EXT1: variants seen among roughly 807,000 people sequenced by gnomAD.
The protein encoded by EXT1 is exostosin-1.
Under a neutral mutation model 82.5 loss-of-function variants are expected in EXT1, and 20 were observed. The observed-to-expected ratio is 0.24, with a 90% CI of 0.17 to 0.35. The LOEUF (loss-of-function observed/expected upper bound fraction) is 0.35, where lower values mean the gene tolerates loss of function less well. Among genes scored for constraint, EXT1 ranks in the 10% least tolerant of loss-of-function variants. The probability of loss-of-function intolerance (pLI) is 1.00; values close to 1 mark genes in which losing one functional copy is unlikely to be tolerated. For synonymous variants in EXT1, 348 were observed against 350.8 expected, an observed-to-expected ratio of 0.99 and a Z score of 0.09; for missense variants, 757 against 936.5, an observed-to-expected ratio of 0.81 and a Z score of 2.50.
chr8:118,068,179 T>G (rs149973013), intron 1 of EXT1, among the ~76,000 whole-genome samples: 257 of 152,348 alleles, frequency 1.7e-3, no homozygotes, highest in African/African-American at 5.9e-3. Context: ...GAGCTGAGCC[T>G]GGAATGCAAG....
intron 1 of EXT1, among the ~76,000 whole-genome samples, chr8:117,854,170 G>A (rs1218726119): frequency 6.6e-6 from 1 of 152,256 alleles, no homozygotes; most frequent in Admixed American, 6.5e-5. Context: ...AGGTAAAGAA[G>A]GGAATTTCAG....
Position 117,809,218 on chromosome 8 carries a change from AATATAT to A in EXT1, c.1723-1847_1723-1842del, listed in dbSNP as rs71307404. On this transcript the variant is annotated intron_variant, in intron 8 of 10. Coordinates refer to ENST00000378204, the MANE Select transcript of EXT1 (RefSeq NM_000127.3). ...GTATATATATGTGTGTGTGTGTATA[AATATAT>A]ATATATATATATATATATATTATGT... 1.2e-3 allele frequency among the ~76,000 whole-genome samples: 129 copies of A among 107,938 alleles called. 5 individuals are homozygous for A. The highest frequency in any genetic ancestry group is 2.5e-3 in the African/African-American group (81 of 32,014). 70.8% of individuals were successfully genotyped at this position (107,938 alleles called of 152,430 possible). A position where few individuals can be genotyped will look rare whatever the true frequency, so the allele number is the denominator to read the frequency against.
chr8:118,045,697 G>T (rs769473598), intron 1 of EXT1, among the ~76,000 whole-genome samples: 44 of 151,050 alleles, frequency 2.9e-4, no homozygotes, highest in Non-Finnish European at 8.8e-5. Context: ...TACATAATAC[G>T]TATCTGAGTC....
At chr8:118,041,081 T>C (rs1389961569) in intron 1 of EXT1, among the ~76,000 whole-genome samples, 1 of 152,192 alleles carries the variant, frequency 6.6e-6, no homozygotes, top group Non-Finnish European at 1.5e-5. Flanking sequence ...CATTACCTAA[T>C]TTATTATAAA....
intron 1 of EXT1, among the ~76,000 whole-genome samples, chr8:117,954,240 C>T (rs1291639349): frequency 6.6e-6 from 1 of 152,196 alleles, no homozygotes; most frequent in East Asian, 1.9e-4. Flanking sequence ...ATCCAGGGTA[C>T]TGCTATTCTG....
At chr8:117,915,329 G>GT (rs1586282434) in intron 1 of EXT1, among the ~76,000 whole-genome samples, 1 of 150,148 alleles carries the variant, frequency 6.7e-6, no homozygotes, top group Non-Finnish European at 1.5e-5. Flanking sequence ...TCAAATTTTT[G>GT]TTTTTTGCTT....
At chr8:117,965,499 G>A (rs1405773625) in intron 1 of EXT1, among the ~76,000 whole-genome samples, 1 of 151,972 alleles carries the variant, frequency 6.6e-6, no homozygotes, top group Non-Finnish European at 1.5e-5. Flanking sequence ...GCATTTTGGG[G>A]TCAGAAGTCT....
intron 4 of EXT1, among the ~76,000 whole-genome samples, chr8:117,829,782 C>T (rs1309278685): frequency 2.0e-5 from 3 of 151,858 alleles, no homozygotes; most frequent in African/African-American, 7.3e-5. Context: ...ACCATGTTGG[C>T]CAGGTCTTGA....
At chr8:118,067,450 T>C (rs1277959399) in intron 1 of EXT1, among the ~76,000 whole-genome samples, 1 of 152,250 alleles carries the variant, frequency 6.6e-6, no homozygotes, top group Non-Finnish European at 1.5e-5. Flanking sequence ...TAGCATTCAC[T>C]GGATGACTGA....
At chr8:117,884,665 C>T (rs1052192169) in intron 1 of EXT1, among the ~76,000 whole-genome samples, 1 of 152,042 alleles carries the variant, frequency 6.6e-6, no homozygotes, top group Non-Finnish European at 1.5e-5. Context: ...CTCTTCTATT[C>T]TGTTCATTGC....
chr8:118,037,347 G>A (rs1816440041), intron 1 of EXT1, among the ~76,000 whole-genome samples: 1 of 151,442 alleles, frequency 6.6e-6, no homozygotes, highest in Non-Finnish European at 1.5e-5. Context: ...GTCTGCCCTC[G>A]AGTACCTTAC....
At chr8:118,051,382 A>T (rs1816714750) in intron 1 of EXT1, among the ~76,000 whole-genome samples, 1 of 152,222 alleles carries the variant, frequency 6.6e-6, no homozygotes, top group Non-Finnish European at 1.5e-5. Flanking sequence ...TTCAGTTTAC[A>T]TATTAGCATA....
intron 1 of EXT1, among the ~76,000 whole-genome samples, chr8:117,948,630 A>AATGC (rs1242270567): frequency 2.6e-5 from 4 of 152,210 alleles, no homozygotes; most frequent in Non-Finnish European, 5.9e-5. Flanking sequence ...ATTTTCACTG[A>AATGC]ATGCATAAAA....
chr8:118,032,133 A>AAT (rs1816335958), intron 1 of EXT1, among the ~76,000 whole-genome samples: 1 of 141,842 alleles, frequency 7.1e-6, no homozygotes, highest in South Asian at 2.5e-4. Context: ...CTCAATGGCC[A>AAT]AAACCGCGAT....
intron 1 of EXT1, among the ~76,000 whole-genome samples, chr8:117,854,018 G>A (rs542539550): frequency 1.3e-5 from 2 of 152,386 alleles, no homozygotes; most frequent in South Asian, 2.1e-4. Context: ...GCCCAGGAGC[G>A]CTGGCCTCAG....
chr8:117,834,258 T>C (rs1365122699), intron 3 of EXT1, among the ~76,000 whole-genome samples: 1 of 152,178 alleles, frequency 6.6e-6, no homozygotes, highest in Non-Finnish European at 1.5e-5. Context: ...AGTGCTGTAT[T>C]ACTTCAGCAG....
chr8:117,841,588 T>A (rs538344623), intron 1 of EXT1, among the ~76,000 whole-genome samples: 27 of 152,178 alleles, frequency 1.8e-4, no homozygotes, highest in Non-Finnish European at 4.0e-4. Flanking sequence ...CCCCAGATAA[T>A]TTGCCACTCT....
intron 7 of EXT1, among the ~76,000 whole-genome samples, chr8:117,813,817 C>T (rs946766503): frequency 7.2e-5 from 11 of 151,966 alleles, no homozygotes; most frequent in East Asian, 1.9e-4. Context: ...ACCAGCCTGA[C>T]CAACATGGTG....
intron 1 of EXT1, among the ~76,000 whole-genome samples, chr8:118,046,240 T>C (rs1464327170): frequency 1.3e-5 from 2 of 152,172 alleles, no homozygotes; most frequent in Non-Finnish European, 2.9e-5. Flanking sequence ...TACCTAATTC[T>C]TGACTCTGTC....
Sources: allele counts gnomAD v4.1 joint callset (sites outside exome capture counted in the v4.1 genomes callset), GRCh38; gene constraint gnomAD v4.1.1; transcripts MANE v1.5; gene names NCBI Gene and HGNC (gene_info 2026-07-23, HGNC 2026-07-21).